The following SCHIP1 variants were observed in gnomAD, a reference collection of about 807,000 sequenced individuals.
SCHIP1 encodes schwannomin-interacting protein 1.
In SCHIP1, 8 loss-of-function variants were observed where a neutral mutation model predicts 29.7. That is an observed-to-expected ratio of 0.27 (90% CI 0.16 to 0.49). The LOEUF is 0.49. Ranked by LOEUF, SCHIP1 falls within the 20% of genes least tolerant of loss-of-function variation. The pLI, the probability that SCHIP1 is intolerant of heterozygous loss-of-function variation, is 0.99. For missense variants in SCHIP1, 193 were observed against 294.6 expected (o/e 0.66, Z 2.52); for synonymous variants, 76 against 94.9 (o/e 0.80, Z 1.16).
At chr3:159,406,705 A>G in the SCHIP1 span, among the ~76,000 whole-genome samples, 1 of 152,218 alleles carries the variant, frequency 6.6e-6, no homozygotes, top group East Asian at 1.9e-4. Flanking sequence ...AGACAGTATG[A>G]TAAGATATAA....
At chr3:159,877,727 A>T (rs1715985978) in intron 2 of SCHIP1, among the ~76,000 whole-genome samples, 2 of 152,224 alleles carry the variant, frequency 1.3e-5, no homozygotes, top group Admixed American at 6.5e-5. Flanking sequence ...GAAGGGGAAA[A>T]GTATTTCTTC....
At chr3:159,790,676 A>G in the SCHIP1 span, among the ~76,000 whole-genome samples, 1 of 152,272 alleles carries the variant, frequency 6.6e-6, no homozygotes, top group South Asian at 2.1e-4. Flanking sequence ...ACAGAGCGAG[A>G]TTGTCTCAAA....
the SCHIP1 span, chr3:159,275,188 G>T: frequency 1.8e-6 from 1 of 549,568 alleles, no homozygotes; most frequent in Non-Finnish European, 2.3e-6. Context: ...GTATTTAAAA[G>T]GCCTCAGTTT....
chr3:159,657,166 C>T, the SCHIP1 span, among the ~76,000 whole-genome samples: 2,637 of 152,234 alleles, frequency 0.017, 92 homozygotes, highest in African/African-American at 0.061. Context: ...AAATAAGCTT[C>T]CAGGAGAGAT....
chr3:159,310,133 G>A, the SCHIP1 span, among the ~76,000 whole-genome samples: 15 of 152,226 alleles, frequency 9.9e-5, no homozygotes, highest in South Asian at 1.9e-3. Flanking sequence ...ATTAGTGGGG[G>A]CATTTAATTA....
At chr3:159,556,373 A>T in the SCHIP1 span, among the ~76,000 whole-genome samples, 3 of 152,152 alleles carry the variant, frequency 2.0e-5, no homozygotes, top group East Asian at 3.9e-4. Context: ...TTCCTCAGGG[A>T]TCTAGAACTA....
At chr3:159,527,418 A>G in the SCHIP1 span, among the ~76,000 whole-genome samples, 1 of 152,188 alleles carries the variant, frequency 6.6e-6, no homozygotes, top group Admixed American at 6.5e-5. Context: ...GGACCACTGA[A>G]AGGATTCCTT....
chr3:159,864,988 C>T (rs1444327413), intron 1 of SCHIP1, among the ~76,000 whole-genome samples: 1 of 152,160 alleles, frequency 6.6e-6, no homozygotes, highest in East Asian at 1.9e-4. Context: ...CTATTGTATA[C>T]TGTCCTTCAC....
chr3:159,868,928 C>T (rs1714939888), intron 2 of SCHIP1, among the ~76,000 whole-genome samples: 1 of 151,994 alleles, frequency 6.6e-6, no homozygotes, highest in Non-Finnish European at 1.5e-5. Context: ...TTTCAGAGAT[C>T]CTGTGGATCC....
chr3:159,450,883 A>C, the SCHIP1 span, among the ~76,000 whole-genome samples: 1 of 138,158 alleles, frequency 7.2e-6, no homozygotes, highest in Admixed American at 8.0e-5. Flanking sequence ...ATCTCGGCTC[A>C]CTGCAAGCTC....
chr3:159,675,729 T>A, the SCHIP1 span, among the ~76,000 whole-genome samples: 1 of 152,196 alleles, frequency 6.6e-6, no homozygotes, highest in Admixed American at 6.5e-5. Context: ...AAAGTAAAAA[T>A]CCCTCCTACT....
chr3:159,392,862 G>T, the SCHIP1 span, among the ~76,000 whole-genome samples: 3 of 152,148 alleles, frequency 2.0e-5, no homozygotes, highest in East Asian at 5.8e-4. Flanking sequence ...GGTATTTCTA[G>T]TTCTAGATGC....
chr3:159,344,189 C>T, the SCHIP1 span, among the ~76,000 whole-genome samples: 23 of 151,988 alleles, frequency 1.5e-4, no homozygotes, highest in Middle Eastern at 3.4e-3. Context: ...GGCATGATGG[C>T]GCATGCTTGT....
chr3:159,789,921 G>A, the SCHIP1 span, among the ~76,000 whole-genome samples: 2 of 152,178 alleles, frequency 1.3e-5, no homozygotes, highest in African/African-American at 4.8e-5. Context: ...CATCCTGTGG[G>A]CAGCTCCACT....
the SCHIP1 span, among the ~76,000 whole-genome samples, chr3:159,609,857 G>A: frequency 6.6e-6 from 1 of 151,856 alleles, no homozygotes; most frequent in African/African-American, 2.4e-5. Flanking sequence ...TTTGCTAAGC[G>A]ATGGAAAACC....
At chr3:159,713,113 C>CCATT in the SCHIP1 span, among the ~76,000 whole-genome samples, 1 of 146,716 alleles carries the variant, frequency 6.8e-6, no homozygotes, top group East Asian at 2.0e-4. Context: ...CAAGATCGAG[C>CCATT]CATTGCACTC....
intron 2 of SCHIP1, among the ~76,000 whole-genome samples, chr3:159,882,703 T>C (rs1577486603): frequency 1.3e-5 from 2 of 152,244 alleles, no homozygotes; most frequent in South Asian, 2.1e-4. Context: ...TTTTGAGATA[T>C]TCTATTCATA....
chr3:159,303,184 G>A, the SCHIP1 span, among the ~76,000 whole-genome samples: 1 of 152,064 alleles, frequency 6.6e-6, no homozygotes, highest in Non-Finnish European at 1.5e-5. Flanking sequence ...CACTGGGGAA[G>A]ACATCATGGA....
At chr3:159,530,650 T>G in the SCHIP1 span, among the ~76,000 whole-genome samples, 1 of 152,120 alleles carries the variant, frequency 6.6e-6, no homozygotes, top group East Asian at 1.9e-4. Flanking sequence ...GTCCTTGGAG[T>G]GCTCCACGGA....
Sources: gnomAD v4.1 joint callset for allele counts (sites outside exome capture counted in the v4.1 genomes callset) on GRCh38, gnomAD v4.1.1 for gene constraint, MANE v1.5 for transcripts, NCBI Gene and HGNC (gene_info 2026-07-23, HGNC 2026-07-21) for gene names.